The following LRRC59 variants were observed in gnomAD, a reference collection of about 807,000 sequenced individuals.
LRRC59 encodes leucine-rich repeat-containing protein 59.
A neutral mutation model predicts 33.5 loss-of-function variants in LRRC59; 18 were observed. The ratio of observed to expected loss-of-function variants is 0.54; its 90% confidence interval spans 0.37 to 0.80. The LOEUF (loss-of-function observed/expected upper bound fraction) is 0.80, where lower values mean the gene tolerates loss of function less well. Among genes scored for constraint, LRRC59 ranks in the 30% least tolerant of loss-of-function variants. The probability of loss-of-function intolerance (pLI) is 0.00; values close to 1 mark genes in which losing one functional copy is unlikely to be tolerated. For missense variants in LRRC59, 330 were observed against 391.9 expected, an observed-to-expected ratio of 0.84 and a Z score of 1.33; for synonymous variants, 138 against 160.0, an observed-to-expected ratio of 0.86 and a Z score of 1.04.
intron 2 of LRRC59, among the ~76,000 whole-genome samples, chr17:50,394,620 G>A (rs1487693383): frequency 6.6e-6 from 1 of 152,102 alleles, no homozygotes; most frequent in Admixed American, 6.5e-5. Context: ...TTTTTCAGAG[G>A]AATAAAATAA....
At chr17:50,384,215 A>C (rs1354967658) in intron 6 of LRRC59, among the ~76,000 whole-genome samples, 1 of 152,012 alleles carries the variant, frequency 6.6e-6, no homozygotes, top group Non-Finnish European at 1.5e-5. Context: ...TGACTCCTCT[A>C]GTGTTCAAGC....
Position 50,382,758 on chromosome 17 carries a change from G to C in LRRC59, c.*230C>G. The C allele has an allele frequency of 1.8e-6, 1 of 566,178 alleles. No individual in the cohort carries two copies. The highest frequency in any genetic ancestry group is 2.2e-5 in the South Asian group (1 of 46,428). 35.1% of individuals were successfully genotyped at this position (566,178 alleles called of 1,614,324 possible). ...CCAAGCCTACTCCTTTAGGCATGCA[G>C]GTAACTGCCCCCCACGCCCCCCCGC... On this transcript the variant is annotated 3_prime_UTR_variant, in exon 7 of 7. Coordinates refer to ENST00000225972, the MANE Select transcript of LRRC59 (RefSeq NM_018509.4).
intron 3 of LRRC59, 41 bp downstream of exon 3, chr17:50,392,698 C>G: frequency 6.2e-7 from 1 of 1,606,584 alleles, no homozygotes; most frequent in African/African-American, 1.3e-5. Flanking sequence ...CCTGAGTTCT[C>G]TGCCACCCTG....
intron 6 of LRRC59, among the ~76,000 whole-genome samples, chr17:50,384,490 G>A (rs1189214184): frequency 6.6e-6 from 1 of 152,144 alleles, no homozygotes; most frequent in Non-Finnish European, 1.5e-5. Flanking sequence ...AACTTGCCGG[G>A]CACAGTGGCT....
In LRRC59 at chr17:50,382,455, A is replaced by C. The variant is rs149657552; in HGVS notation, c.*533T>G. The C allele has an allele frequency of 3.4e-3, 526 of 155,574 alleles. 4 individuals carry two copies. The highest frequency in any genetic ancestry group is 5.0e-3 in the Non-Finnish European group (347 of 69,996). The allele number at this position is 155,574 out of a possible 1,614,324, so 9.6% of individuals were successfully genotyped here. On this transcript the variant is annotated 3_prime_UTR_variant, in exon 7 of 7. Transcript: ENST00000225972. ...TGGTCATGAAGTCCCTTTCATAGCC[A>C]GAGATTTTGTGTGGCTGCTAAAATG... is the stretch of plus-strand genomic sequence containing the variant.
chr17:50,393,960 G>A (rs1279369818), intron 2 of LRRC59, among the ~76,000 whole-genome samples: 3 of 152,190 alleles, frequency 2.0e-5, no homozygotes, highest in Admixed American at 2.0e-4. Context: ...GAGTTACTGG[G>A]ATTATAGGCA....
chr17:50,392,756 T>A lies in LRRC59; in HGVS notation c.307A>T (p.Ser103Cys). ...LNNKLVTLPV[S>C]FAQLKNLKWL... Reference sequence around the variant, plus strand: ...ATTGTTACCTTGAGCTGAGCAAAGCTGACAGGCAAGGTGACCAGCTTGTTG... The same window carrying A: ...ATTGTTACCTTGAGCTGAGCAAAGCAGACAGGCAAGGTGACCAGCTTGTTG... The change falls in exon 3 of 7, where the codon AGC becomes TGC. Residue 103 changes from serine (S) to cysteine (C), a missense_variant. Transcript: ENST00000225972. 6.2e-7 allele frequency: 1 copy of A among 1,614,206 alleles called. No individual in the cohort carries two copies. The highest frequency in any genetic ancestry group is 8.5e-7 in the Non-Finnish European group (1 of 1,180,026).
In LRRC59 at chr17:50,392,839, T is replaced by C; in HGVS notation, c.224A>G (p.Gln75Arg). The change falls in exon 3 of 7, where the codon CAG (glutamine) becomes CGG (arginine). Residue 75 changes from glutamine to arginine, a missense_variant. Coordinates refer to ENST00000225972, the MANE Select transcript of LRRC59 (RefSeq NM_018509.4). ...ACGGCCAAAGTCTGCTGGCAGCTGC[T>C]GCAGCTTGTTCTTACTCAGGTCTAG... is the stretch of plus-strand genomic sequence containing the variant. ...VKLDLSKNKLQQLPADFGRLV... is the reference protein window; with the variant it reads ...VKLDLSKNKLRQLPADFGRLV... 1 of 1,614,082 alleles carries C rather than the reference T, an allele frequency of 6.2e-7. No individual in the cohort carries two copies. Among genetic ancestry groups the C allele is most frequent in the Non-Finnish European group, 8.5e-7 (1 of 1,179,954 alleles).
At chr17:50,394,458 G>A (rs1420373610) in intron 2 of LRRC59, among the ~76,000 whole-genome samples, 1 of 152,198 alleles carries the variant, frequency 6.6e-6, no homozygotes, top group Non-Finnish European at 1.5e-5. Context: ...AGTCCTTTGG[G>A]AGAATAATGA....
At chr17:50,392,965 G>A (rs1914183839) in intron 2 of LRRC59, 68 bp from the exon 3 acceptor site, 10 of 1,438,872 alleles carry the variant, frequency 6.9e-6, no homozygotes, top group Non-Finnish European at 9.6e-6. Flanking sequence ...TTTAAATGTG[G>A]CCCAATACAA....
At chr17:50,392,034 A>G (rs749145836) in intron 4 of LRRC59, among the ~76,000 whole-genome samples, 5 of 152,136 alleles carry the variant, frequency 3.3e-5, no homozygotes, top group Non-Finnish European at 7.4e-5. Flanking sequence ...CACCATCTCC[A>G]CTAAAAAATA....
chr17:50,394,716 A>T (rs1189523905), intron 2 of LRRC59, among the ~76,000 whole-genome samples: 1 of 152,166 alleles, frequency 6.6e-6, no homozygotes, highest in Non-Finnish European at 1.5e-5. Flanking sequence ...TGTTCTGAAG[A>T]ATGAGGCCTC....
chr17:50,391,059 C>T (rs1234329536), intron 4 of LRRC59, among the ~76,000 whole-genome samples: 3 of 152,122 alleles, frequency 2.0e-5, no homozygotes, highest in Non-Finnish European at 2.9e-5. Context: ...TTTCTTGTGT[C>T]AGAGAAATGA....
intron 6 of LRRC59, among the ~76,000 whole-genome samples, chr17:50,384,861 C>CCGGGAA (rs1913962802): frequency 6.6e-6 from 1 of 151,808 alleles, no homozygotes; most frequent in East Asian, 1.9e-4. Flanking sequence ...AGACTCTGTT[C>CCGGGAA]TGGGAATGCT....
rs369307452 is a variant in LRRC59 at position 50,385,271 on chromosome 17, C to T, written c.523G>A (p.Ala175Thr). ...TGAGCTTCCTTAGCTCGCTGCTTAG[C>T]CTCACGCTTCTTCTCTGCCTCTACA... is the stretch of plus-strand genomic sequence containing the variant. ...VEREAEKKRE[A>T]KQRAKEAQER... is the part of the protein sequence containing the mutation. The change falls in exon 6 of 7, where the codon GCT (alanine) becomes ACT (threonine). Residue 175 changes from alanine (A) to threonine (T), a missense_variant. Ala to Thr is a moderately conservative substitution (Grantham distance 58). Coordinates refer to ENST00000225972, the MANE Select transcript of LRRC59 (RefSeq NM_018509.4). 1.2e-6 allele frequency: 2 copies of T among 1,613,788 alleles called. No individual in the cohort carries two copies. The highest frequency in any genetic ancestry group is 2.7e-5 in the African/African-American group (2 of 74,924).
intron 5 of LRRC59, 73 bp downstream of exon 5, chr17:50,387,987 G>C (rs1324698268): frequency 6.2e-6 from 9 of 1,462,934 alleles, no homozygotes; most frequent in East Asian, 4.5e-5. Flanking sequence ...CTGGATCCCA[G>C]CTCCTGAAGC....
rs780737538 is a variant in LRRC59 at position 50,392,859 on chromosome 17, G to C, written c.204C>G (p.Asp68Glu). The change falls in exon 3 of 7, where the codon GAC (aspartate) becomes GAG (glutamate). Residue 68 changes from aspartate to glutamate, a missense_variant. Coordinates refer to ENST00000225972, the MANE Select transcript of LRRC59 (RefSeq NM_018509.4). The stretch of plus-strand genomic sequence containing the variant: ...GCTGCTGCAGCTTGTTCTTACTCAG[G>C]TCTAGCTTCACCAGGTGTGTGAGGC... ...FCGLTHLVKL[D>E]LSKNKLQQLP... 2 of 1,613,896 alleles carry C rather than the reference G, an allele frequency of 1.2e-6. No homozygotes were observed. Among genetic ancestry groups the C allele is most frequent in the Non-Finnish European group, 1.7e-6 (2 of 1,179,906 alleles).
In LRRC59 at chr17:50,392,806, T is replaced by C. The variant is rs374466457; in HGVS notation, c.257A>G (p.Asn86Ser). The stretch of plus-strand genomic sequence containing the variant: ...GTTGAGGAGATCCAGGTGCTGGAGG[T>C]TGACCAGACGGCCAAAGTCTGCTGG... ...QLPADFGRLV[N>S]LQHLDLLNNK... The change falls in exon 3 of 7, where the codon AAC becomes AGC. Residue 86 changes from asparagine to serine, a missense_variant. By Grantham distance (46) the Asn-to-Ser change is conservative (BLOSUM62 1). Coordinates refer to ENST00000225972, the MANE Select transcript of LRRC59 (RefSeq NM_018509.4). 8.7e-6 allele frequency: 14 copies of C among 1,613,986 alleles called. No individual in the cohort carries two copies. In the African/African-American group the frequency reaches 9.3e-5, roughly 11 times the overall value.
chr17:50,390,922 T>A (rs1914130520), intron 4 of LRRC59, among the ~76,000 whole-genome samples: 1 of 152,240 alleles, frequency 6.6e-6, no homozygotes, highest in African/African-American at 2.4e-5. Context: ...ACAAAAGGCC[T>A]TTGTACTCAA....
Sources: allele counts gnomAD v4.1 joint callset (sites outside exome capture counted in the v4.1 genomes callset), GRCh38; gene constraint gnomAD v4.1.1; transcripts MANE v1.5; gene names NCBI Gene and HGNC (gene_info 2026-07-23, HGNC 2026-07-21).